The following TEX15 variants were observed in gnomAD, a reference collection of about 807,000 sequenced individuals.
TEX15 encodes testis expressed 15, meiosis and synapsis associated.
A neutral mutation model predicts 237.3 loss-of-function variants in TEX15; 171 were observed. The ratio of observed to expected loss-of-function variants is 0.72; its 90% CI spans 0.64 to 0.82. The LOEUF (loss-of-function observed/expected upper bound fraction) is 0.82. Among genes scored for constraint, TEX15 ranks in the 40% least tolerant of loss-of-function variants. The pLI is 0.00. For missense variants in TEX15, 3,750 were observed against 3,646.5 expected, an observed-to-expected ratio of 1.03 and a Z score of -0.73; for synonymous variants, 1,338 against 1,269.8, an observed-to-expected ratio of 1.05 and a Z score of -1.14.
chr8:30,860,172 C>CAGAA, intron 5 of TEX15, 115 bp from the exon 6 acceptor site: 2 of 945,368 alleles, frequency 2.1e-6, no homozygotes, highest in Non-Finnish European at 3.0e-6. Flanking sequence ...GACAGGGTCT[C>CAGAA]ACTCTGTTCA....
chr8:30,867,137 A>G, intron 5 of TEX15, 128 bp downstream of exon 5: 1 of 377,746 alleles, frequency 2.6e-6, no homozygotes, highest in Non-Finnish European at 4.6e-6. Flanking sequence ...AAAATAATAA[A>G]TATAATTATT....
Position 30,867,505 on chromosome 8 carries a change from A to C in TEX15, c.303-3T>G, listed in dbSNP as rs757264423. On this transcript the variant is annotated splice_region_variant and splice_polypyrimidine_tract_variant and intron_variant, in intron 4 of 10. Coordinates refer to ENST00000643185, the MANE Select transcript of TEX15 (RefSeq NM_001350162.2). ...TTCCACTTTCACGCATCTCTGACCT[A>C]AAGTAAAACAAACAATGTATACAGT... 2 of 1,501,438 alleles carry C rather than the reference A, an allele frequency of 1.3e-6. No individual in the cohort carries two copies. Among genetic ancestry groups the C allele is most frequent in the South Asian group, 2.4e-5 (2 of 83,158 alleles). 93.0% of individuals were successfully genotyped at this position (1,501,438 alleles called of 1,614,324 possible).
Position 30,844,025 on chromosome 8 carries a change from A to T in TEX15, c.6142T>A (p.Ser2048Thr). The T allele has an allele frequency of 6.2e-7, 1 of 1,611,680 alleles. No individual in the cohort carries two copies. Among genetic ancestry groups the T allele is most frequent in the South Asian group, 1.1e-5 (1 of 90,622 alleles). ...TTTTGGTCTACCAACAGTTCTCTTG[A>T]AATCAGGATTTGTTCAACTGAACAT... Reference protein sequence around the residue: ...QECSVEQILISRELLVDQNLW... With the variant: ...QECSVEQILITRELLVDQNLW... The change falls in exon 8 of 11, where the codon TCA becomes ACA. Residue 2048 changes from serine to threonine, a missense_variant. Coordinates refer to ENST00000643185, the MANE Select transcript of TEX15 (RefSeq NM_001350162.2).
At position 30,846,400 on chromosome 8, in the gene TEX15, T is replaced by C; in HGVS notation, c.3767A>G (p.Gln1256Arg). ...NTDVNHTSEN[Q>R]NSESLFTEPS... Reference sequence around the variant, plus strand: ...TTCAGTAAACAAAGATTCACTGTTCTGATTTTCAGACGTATGATTCACATC... The same window carrying C: ...TTCAGTAAACAAAGATTCACTGTTCCGATTTTCAGACGTATGATTCACATC... Residue 1256 changes from glutamine to arginine, a missense_variant, in exon 8 of 11, where the codon CAG becomes CGG. Transcript: ENST00000643185. 2 of 1,613,428 alleles carry C rather than the reference T, an allele frequency of 1.2e-6. No homozygotes were observed. The highest frequency in any genetic ancestry group is 1.7e-6 in the Non-Finnish European group (2 of 1,179,710).
Position 30,842,196 on chromosome 8 carries a change from C to A in TEX15, c.7971G>T (p.Met2657Ile). The change falls in exon 8 of 11, where the codon ATG becomes ATT. Residue 2657 changes from methionine to isoleucine, a missense_variant. Physicochemically the swap from Met to Ile is conservative, Grantham distance 10. Coordinates refer to ENST00000643185, the MANE Select transcript of TEX15 (RefSeq NM_001350162.2). The stretch of plus-strand genomic sequence containing the variant: ...CCCCAGGTTTTACAATATGAATATT[C>A]ATTTTTTCTTTTCTCTTCAGCTGTA... ...KILQLKRKEKMNIHIVKPGEN... is the reference protein window; with the variant it reads ...KILQLKRKEKINIHIVKPGEN... 6.2e-7 allele frequency: 1 copy of A among 1,611,712 alleles called. No individual in the cohort carries two copies. Among genetic ancestry groups the A allele is most frequent in the Non-Finnish European group, 8.5e-7 (1 of 1,179,182 alleles).
intron 1 of TEX15, among the ~76,000 whole-genome samples, chr8:30,906,183 A>G (rs1367374386): frequency 6.6e-6 from 1 of 152,220 alleles, no homozygotes; most frequent in Non-Finnish European, 1.5e-5. Context: ...GAGGCATAAT[A>G]TTTTAATCCT....
intron 1 of TEX15, among the ~76,000 whole-genome samples, chr8:30,905,080 C>A (rs1809073359): frequency 6.6e-6 from 1 of 152,058 alleles, no homozygotes; most frequent in Non-Finnish European, 1.5e-5. Flanking sequence ...ATGTCCCTAT[C>A]AAGAATGAAT....
At chr8:30,867,163 T>C in intron 5 of TEX15, 102 bp downstream of exon 5, 1 of 467,998 alleles carries the variant, frequency 2.1e-6, no homozygotes, top group East Asian at 3.1e-5. Context: ...TTTAATAGAC[T>C]GCAGTTTAAA....
Position 30,845,373 on chromosome 8 carries a change from T to C in TEX15, c.4794A>G (p.Lys1598=). The C allele has an allele frequency of 6.2e-7, 1 of 1,611,502 alleles. No homozygotes were observed. The highest frequency in any genetic ancestry group is 1.1e-5 in the South Asian group (1 of 90,892). Residue 1598 remains lysine (K), a synonymous_variant, in exon 8 of 11, where the codon AAA becomes AAG. Coordinates refer to ENST00000643185, the MANE Select transcript of TEX15 (RefSeq NM_001350162.2). ...LEKHSANHNV[K]DATKENSCDA... is the part of the protein sequence containing the mutation. ...CACAACTGTTTTCTTTAGTTGCATC[T>C]TTAACATTATGATTTGCTGAATGTT...
intron 2 of TEX15, among the ~76,000 whole-genome samples, chr8:30,893,632 G>A (rs1325800228): frequency 6.6e-6 from 1 of 151,948 alleles, no homozygotes; most frequent in African/African-American, 2.4e-5. Context: ...AATTTTCCTG[G>A]GTAGAAAATT....
At chr8:30,860,266 T>TC (rs1808017399) in intron 5 of TEX15, among the ~76,000 whole-genome samples, 1 of 151,722 alleles carries the variant, frequency 6.6e-6, no homozygotes, top group Non-Finnish European at 1.5e-5. Context: ...GGACTACAGG[T>TC]AAGCACCACC....
chr8:30,887,014 T>G (rs1172370029), intron 3 of TEX15, 153 bp downstream of exon 3: 1 of 592,674 alleles, frequency 1.7e-6, no homozygotes, highest in East Asian at 3.2e-5. Context: ...TATTCTATTT[T>G]GAGTGGAAAC....
intron 1 of TEX15, among the ~76,000 whole-genome samples, chr8:30,909,157 ATTTTATTAATCATTATCCT>A (rs1404952039): frequency 2.1e-4 from 32 of 152,146 alleles, no homozygotes; most frequent in African/African-American, 6.3e-4. Flanking sequence ...CAAATCAGTT[ATTTTATTAATCATTATCCT>A]AAAAAATCTT....
rs551596895 is a variant in TEX15 at position 30,851,315 on chromosome 8, G to A, written c.851-1999C>T. ...AATGTCCTAGAAGACAGAATGTTATGCAGCTATTACAAAGATTAAGATGGA... is the reference window on the plus strand; with the variant it reads ...AATGTCCTAGAAGACAGAATGTTATACAGCTATTACAAAGATTAAGATGGA... On this transcript the variant is annotated intron_variant, in intron 7 of 10. Transcript: ENST00000643185. 1.6e-4 allele frequency among the ~76,000 whole-genome samples: 24 copies of A among 152,318 alleles called. No homozygotes were observed. In the South Asian group the frequency reaches 5.0e-3, roughly 32 times the overall value.
At chr8:30,839,348 G>T (rs1211850087) in intron 9 of TEX15, among the ~76,000 whole-genome samples, 2 of 152,050 alleles carry the variant, frequency 1.3e-5, no homozygotes, top group African/African-American at 4.8e-5. Flanking sequence ...AGAGCTCAAA[G>T]TATCGTATGG....
In TEX15 at chr8:30,859,968, C is replaced by T. The variant is rs1293181269; in HGVS notation, c.630G>A (p.Met210Ile). The change falls in exon 6 of 11, where the codon ATG becomes ATA. Residue 210 changes from methionine to isoleucine, a missense_variant. Coordinates refer to ENST00000643185, the MANE Select transcript of TEX15 (RefSeq NM_001350162.2). Reference protein sequence around the residue: ...LDPSPNFDCHMSRNAPSLKDT... With the variant: ...LDPSPNFDCHISRNAPSLKDT... ...CTTTCAAAGAAGGTGCATTTCTTGA[C>T]ATATGGCAATCAAAGTTAGGAGAAG... 2.0e-6 allele frequency: 3 copies of T among 1,518,276 alleles called. No individual in the cohort carries two copies. The highest frequency in any genetic ancestry group is 2.6e-6 in the Non-Finnish European group (3 of 1,140,588). The allele number at this position is 1,518,276 out of a possible 1,614,324, so 94.1% of individuals were successfully genotyped here.
rs1807626352 is a variant in TEX15 at position 30,846,812 on chromosome 8, T to C, written c.3355A>G (p.Thr1119Ala). 1 of 1,613,814 alleles carries C rather than the reference T, an allele frequency of 6.2e-7. No homozygotes were observed. Among genetic ancestry groups the C allele is most frequent in the South Asian group, 1.1e-5 (1 of 91,080 alleles). ...DNGEMEVLES[T>A]TGRENSDQHY... Reference sequence around the variant, plus strand: ...TGATCACTATTCTCCCTTCCTGTGGTGCTTTCCAAAACTTCCATCTCCCCG... The same window carrying C: ...TGATCACTATTCTCCCTTCCTGTGGCGCTTTCCAAAACTTCCATCTCCCCG... Residue 1119 changes from threonine (T) to alanine (A), a missense_variant, in exon 8 of 11, where the codon ACC becomes GCC. Thr to Ala is a moderately conservative substitution (Grantham distance 58). Coordinates refer to ENST00000643185, the MANE Select transcript of TEX15 (RefSeq NM_001350162.2).
chr8:30,900,645 A>T (rs1334384589), intron 1 of TEX15, among the ~76,000 whole-genome samples: 1 of 152,232 alleles, frequency 6.6e-6, no homozygotes, highest in African/African-American at 2.4e-5. Flanking sequence ...TTTGATCATG[A>T]AAGTTCTCAA....
At position 30,848,970 on chromosome 8, in the gene TEX15, A is replaced by G. The variant is rs62000457; in HGVS notation, c.1197T>C (p.Asn399=). 3,058 of 1,614,152 alleles carry G rather than the reference A, an allele frequency of 1.9e-3. 50 individuals carry two copies. The African/African-American group carries it at 0.036, about 19-fold the overall frequency. The part of the protein sequence containing the change: ...KDSVNGDLLL[N]WTSLKNILSG... ...TTAAAATATTTTTAAGACTTGTCCAATTTAACAAAAGGTCACCATTAACAC... is the reference window on the plus strand; with the variant it reads ...TTAAAATATTTTTAAGACTTGTCCAGTTTAACAAAAGGTCACCATTAACAC... Residue 399 remains asparagine (N), a synonymous_variant, in exon 8 of 11, where the codon AAT becomes AAC. Transcript: ENST00000643185.
Sources: allele counts gnomAD v4.1 joint callset (sites outside exome capture counted in the v4.1 genomes callset), GRCh38; gene constraint gnomAD v4.1.1; transcripts MANE v1.5; gene names NCBI Gene and HGNC (gene_info 2026-07-23, HGNC 2026-07-21).